Variants in CLCN4 observed in about 807,000 individuals in gnomAD.
CLCN4 encodes the protein H(+)/Cl(-) exchange transporter 4.
CLCN4 carries 1 observed loss-of-function variant against 41.7 expected under a neutral mutation model. The ratio of observed to expected loss-of-function variants is 0.02; its 90% confidence interval spans 0.01 to 0.11. CLCN4 has a LOEUF of 0.11. Ranked by LOEUF, CLCN4 falls within the 10% of genes least tolerant of loss-of-function variation. CLCN4 has a pLI of 1.00. For missense variants in CLCN4, 287 were observed against 661.0 expected (o/e 0.43, Z 6.20); for synonymous variants, 277 against 285.8 (o/e 0.97, Z 0.31).
chrX:10,188,114 T>C (rs1313718826), intron 4 of CLCN4, among the ~76,000 whole-genome samples: 2 of 112,123 alleles, frequency 1.8e-5, no homozygotes, highest in Non-Finnish European at 3.8e-5. Context: ...AGATGGGGTC[T>C]CACTGTGTTG....
intron 4 of CLCN4, among the ~76,000 whole-genome samples, chrX:10,189,267 C>T (rs544567281): frequency 8.9e-6 from 1 of 112,288 alleles, no homozygotes. Flanking sequence ...GATAACGGCA[C>T]AGCTTAGATT....
intron 2 of CLCN4, among the ~76,000 whole-genome samples, chrX:10,158,833 C>G (rs1486332994): frequency 8.8e-6 from 1 of 113,477 alleles, no homozygotes; most frequent in Non-Finnish European, 1.9e-5. Flanking sequence ...GGGAAAAAAC[C>G]GCTCCGGCGG....
intron 12 of CLCN4, among the ~76,000 whole-genome samples, chrX:10,228,879 C>T (rs909949852): frequency 1.4e-4 from 16 of 111,457 alleles, no homozygotes; most frequent in African/African-American, 4.9e-4. Context: ...CAACCAGGGG[C>T]TATCTTGTCC....
At chrX:10,206,844 GA>G (rs960429746) in intron 8 of CLCN4, 68 bp downstream of exon 8, 1 of 753,877 alleles carries the variant, frequency 1.3e-6, no homozygotes, top group Non-Finnish European at 1.9e-6. Context: ...TAGAATCAAA[GA>G]AGTATTGGAT....
In CLCN4 at chrX:10,157,029, T is replaced by C. The variant is rs1922970709; in HGVS notation, c.-346T>C. The C allele has an allele frequency of 3.4e-6, 1 of 296,850 alleles. No individual in the cohort carries two copies. Among genetic ancestry groups the C allele is most frequent in the Admixed American group, 6.1e-5 (1 of 16,375 alleles). The allele number at this position is 296,850 out of a possible 1,213,427, so 24.5% of individuals were successfully genotyped here. A position where few individuals can be genotyped will look rare whatever the true frequency, so the allele number is the denominator to read the frequency against. On this transcript the variant is annotated 5_prime_UTR_variant, in exon 1 of 13. Transcript: ENST00000380833. ...TGAGCTTGTCAGTTTCTGCCTCCAT[T>C]AGACCCTCAACCCAAAGGAGCAGGA...
intron 9 of CLCN4, among the ~76,000 whole-genome samples, chrX:10,210,615 T>C (rs1209192869): frequency 9.1e-6 from 1 of 109,766 alleles, no homozygotes; most frequent in Admixed American, 9.8e-5. Context: ...GTGCTAGGAT[T>C]ACACACATGC....
intron 2 of CLCN4, among the ~76,000 whole-genome samples, chrX:10,174,675 G>C (rs1209472144): frequency 9.0e-6 from 1 of 111,251 alleles, no homozygotes; most frequent in Non-Finnish European, 1.9e-5. Flanking sequence ...CCTGCTGTCA[G>C]CCCTACCTTT....
At chrX:10,210,158 G>C (rs1361603934) in intron 9 of CLCN4, among the ~76,000 whole-genome samples, 1 of 111,864 alleles carries the variant, frequency 8.9e-6, no homozygotes, top group East Asian at 2.8e-4. Context: ...TCACATTGTA[G>C]CATGTGTCAC....
In CLCN4 at chrX:10,229,405, T is replaced by A. The variant is rs1287609321; in HGVS notation, c.2193-4089T>A. 3.7e-5 allele frequency among the ~76,000 whole-genome samples: 4 copies of A among 108,348 alleles called. No individual in the cohort carries two copies. The East Asian group carries it at 8.6e-4, about 23-fold the overall frequency. 94.1% of individuals were successfully genotyped at this position (108,348 alleles called of 115,157 possible). A position where few individuals can be genotyped will look rare whatever the true frequency, so the allele number is the denominator to read the frequency against. On this transcript the variant is annotated intron_variant, in intron 12 of 12. Transcript: ENST00000380833. ...TTTTAAAATATATATATATATATAT[T>A]TTATTATACTTTAAGTTCTAGGGTA...
chrX:10,197,740 C>T (rs955962987), intron 5 of CLCN4, among the ~76,000 whole-genome samples, 199 bp from the exon 6 acceptor site: 2 of 111,645 alleles, frequency 1.8e-5, no homozygotes, highest in African/African-American at 6.5e-5. Context: ...ACACCCGCTG[C>T]TCTGTTTGTG....
rs1163637716 is a variant in CLCN4 at position 10,195,075 on chromosome X, G to A, written c.409G>A (p.Glu137Lys). ...GTGTCCCCTGTGGCAGAAATGGTCGGAGCTGCTGGTGAATCAGTCAGAGGT... is the reference window on the plus strand; with the variant it reads ...GTGTCCCCTGTGGCAGAAATGGTCGAAGCTGCTGGTGAATCAGTCAGAGGT... The part of the protein sequence containing the change: ...DKCPLWQKWS[E>K]LLVNQSEGAS... Residue 137 changes from glutamate (E) to lysine (K), a missense_variant, in exon 5 of 13, where the codon GAG becomes AAG. Glu to Lys is a moderately conservative substitution (Grantham distance 56, BLOSUM62 1). Around this residue, in one of 6 missense-constraint regions of CLCN4, gnomAD observed 90 missense variants for 209.8 expected, o/e 0.43. Coordinates refer to ENST00000380833, the MANE Select transcript of CLCN4 (RefSeq NM_001830.4). 2 of 1,211,768 alleles carry A rather than the reference G, an allele frequency of 1.7e-6. No individual in the cohort carries two copies. The highest frequency in any genetic ancestry group is 2.2e-5 in the Admixed American group (1 of 46,039).
At position 10,234,252 on chromosome X, in the gene CLCN4, C is replaced by T. The variant is rs1925195588; in HGVS notation, c.*668C>T. ...CATGATGAGTGTGAAGAAATCATTT[C>T]TCTATGCAAGACTGGCATCCTGGGA... On this transcript the variant is annotated 3_prime_UTR_variant, in exon 13 of 13. Transcript: ENST00000380833. 1 of 112,303 alleles carries T rather than the reference C, an allele frequency of 8.9e-6. No individual in the cohort carries two copies. The highest frequency in any genetic ancestry group is 3.7e-4 in the South Asian group (1 of 2,669). 9.3% of individuals were successfully genotyped at this position (112,303 alleles called of 1,213,427 possible).
At chrX:10,171,889 G>T (rs757278735) in intron 2 of CLCN4, among the ~76,000 whole-genome samples, 1 of 111,854 alleles carries the variant, frequency 8.9e-6, no homozygotes, top group South Asian at 3.8e-4. Context: ...CCTGGGATTT[G>T]TATTGGGGGC....
rs1254721168 is a variant in CLCN4, at chrX:10,237,077, T to G, written c.*3493T>G. On this transcript the variant is annotated 3_prime_UTR_variant, in exon 13 of 13. Transcript: ENST00000380833. Reference sequence around the variant, plus strand: ...CTTTGAACCAGGTAATCTCAGTTCTTTATTCAGTCCTTCCCAAAGACCTTA... The same window carrying G: ...CTTTGAACCAGGTAATCTCAGTTCTGTATTCAGTCCTTCCCAAAGACCTTA... 3 of 112,515 alleles carry G rather than the reference T, an allele frequency of 2.7e-5. No individual in the cohort carries two copies. In the South Asian group the frequency reaches 1.1e-3, roughly 41 times the overall value. 9.3% of individuals were successfully genotyped at this position (112,515 alleles called of 1,213,427 possible). A position where few individuals can be genotyped will look rare whatever the true frequency, so the allele number is the denominator to read the frequency against.
chrX:10,216,361 A>G (rs1924704921), intron 11 of CLCN4, among the ~76,000 whole-genome samples: 1 of 111,928 alleles, frequency 8.9e-6, no homozygotes, highest in Non-Finnish European at 1.9e-5. Flanking sequence ...TCACCATCAC[A>G]TACTAGCACA....
chrX:10,183,440 A>C (rs1452744602), intron 2 of CLCN4, among the ~76,000 whole-genome samples: 1 of 112,352 alleles, frequency 8.9e-6, no homozygotes, highest in Non-Finnish European at 1.9e-5. Flanking sequence ...ACATGAGAGA[A>C]GCCTGCACTC....
At position 10,206,869 on chromosome X, in the gene CLCN4, T is replaced by G. The variant is rs1051472607; in HGVS notation, c.843+93T>G. On this transcript the variant is annotated intron_variant, in intron 8 of 12. Transcript: ENST00000380833. ...GAAGTATTGGATAAGATTCCGGCAG[T>G]TAATTAAGGAGCCACAATTTCCACT... 8.3e-6 allele frequency: 5 copies of G among 603,763 alleles called. No homozygotes were observed. The East Asian group carries it at 1.8e-4, about 22-fold the overall frequency. The allele number at this position is 603,763 out of a possible 1,213,427, so 49.8% of individuals were successfully genotyped here. A position where few individuals can be genotyped will look rare whatever the true frequency, so the allele number is the denominator to read the frequency against.
In CLCN4 at chrX:10,212,837, G is replaced by GCACACACACACACACACA. The variant is rs199932119; in HGVS notation, c.1576+186_1576+187insCACACACACACACACACA. On this transcript the variant is annotated intron_variant, in intron 10 of 12. Coordinates refer to ENST00000380833, the MANE Select transcript of CLCN4 (RefSeq NM_001830.4). ...ACCAAGGCTATGTCTCGCTCACTAT[G>GCACACACACACACACACA]CAGACACACACACACACACACAAAC... Among the ~76,000 whole-genome samples the GCACACACACACACACACA allele has an allele frequency of 0.018, 1,921 of 106,527 alleles. 44 individuals are homozygous for GCACACACACACACACACA. Among genetic ancestry groups the GCACACACACACACACACA allele is most frequent in the African/African-American group, 0.058 (1,651 of 28,557 alleles). The allele number at this position is 106,527 out of a possible 115,157, so 92.5% of individuals were successfully genotyped here.
chrX:10,195,811 A>G (rs769071627), intron 5 of CLCN4, among the ~76,000 whole-genome samples: 1 of 112,643 alleles, frequency 8.9e-6, no homozygotes, highest in Admixed American at 9.4e-5. Flanking sequence ...CTATTGTAGC[A>G]TGAACCATTA....
Sources: allele counts gnomAD v4.1 joint callset (sites outside exome capture counted in the v4.1 genomes callset), GRCh38; gene constraint gnomAD v4.1.1; regional missense constraint gnomAD v4.1.1; transcripts MANE v1.5; gene names NCBI Gene and HGNC (gene_info 2026-07-23, HGNC 2026-07-21).